The following PLCG2 variants were observed in gnomAD, a reference collection of about 807,000 sequenced individuals.
PLCG2 encodes phospholipase C gamma 2, also known as 1-phosphatidylinositol 4,5-bisphosphate phosphodiesterase gamma-2.
PLCG2 carries 69 observed loss-of-function variants against 175.6 expected under a neutral mutation model. The ratio of observed to expected loss-of-function variants is 0.39; its 90% CI spans 0.32 to 0.48. The LOEUF is 0.48. Ranked by LOEUF, PLCG2 falls within the 20% of genes least tolerant of loss-of-function variation. The pLI is 0.91. For synonymous variants in PLCG2, 827 were observed against 624.0 expected (o/e 1.33, Z -4.85); for missense variants, 1,798 against 1,650.9 (o/e 1.09, Z -1.54).
intron 14 of PLCG2, among the ~76,000 whole-genome samples, chr16:81,903,995 G>C (rs1909260392): frequency 1.3e-5 from 2 of 152,196 alleles, no homozygotes; most frequent in Non-Finnish European, 2.9e-5. Context: ...GTCTTGTCAA[G>C]ACACTGCAGG....
chr16:81,760,613 A>G (rs1181394841), intron 2 of PLCG2, among the ~76,000 whole-genome samples: 2 of 152,060 alleles, frequency 1.3e-5, no homozygotes, highest in Non-Finnish European at 2.9e-5. Context: ...AGAGCCCACT[A>G]CATAATACTT....
chr16:81,791,283 G>A (rs1389700391), intron 2 of PLCG2, among the ~76,000 whole-genome samples: 1 of 152,072 alleles, frequency 6.6e-6, no homozygotes, highest in Non-Finnish European at 1.5e-5. Context: ...GAATGGGGAG[G>A]GCTCATTGTG....
At position 81,940,044 on chromosome 16, in the gene PLCG2, A is replaced by G. The variant is rs1341320895; in HGVS notation, c.3466A>G (p.Lys1156Glu). 6.2e-7 allele frequency: 1 copy of G among 1,611,454 alleles called. No individual in the cohort carries two copies. The highest frequency in any genetic ancestry group is 2.2e-5 in the East Asian group (1 of 44,824). ...TCTTGCTCATGCCACTTACCCCATTAAAGCAGTCAAATCAGGTAAGAGGCA... is the reference window on the plus strand; with the variant it reads ...TCTTGCTCATGCCACTTACCCCATTGAAGCAGTCAAATCAGGTAAGAGGCA... Reference protein sequence around the residue: ...NFLAHATYPIKAVKSGFRSVP... With the variant: ...NFLAHATYPIEAVKSGFRSVP... The change falls in exon 30 of 33, where the codon AAA (lysine) becomes GAA (glutamate). Residue 1156 changes from lysine (K) to glutamate (E), a missense_variant. Physicochemically the swap from Lys to Glu is moderately conservative, Grantham distance 56. Transcript: ENST00000564138.
chr16:81,856,149 G>T (rs948060238), intron 3 of PLCG2, among the ~76,000 whole-genome samples: 1 of 152,148 alleles, frequency 6.6e-6, no homozygotes, highest in African/African-American at 2.4e-5. Context: ...TCACTTACTG[G>T]CTCTGAGACA....
intron 23 of PLCG2, 134 bp downstream of exon 23, chr16:81,927,312 A>T: frequency 3.1e-6 from 2 of 649,078 alleles, no homozygotes; most frequent in Non-Finnish European, 2.7e-6. Context: ...GGATCAGGGA[A>T]GACACAGTGA....
intron 2 of PLCG2, among the ~76,000 whole-genome samples, chr16:81,842,219 G>A (rs944514782): frequency 2.0e-5 from 3 of 152,164 alleles, no homozygotes; most frequent in Non-Finnish European, 2.9e-5. Context: ...CTTCTTCCCA[G>A]GTGAGCTCCA....
At chr16:81,928,970 G>A (rs570086572) in intron 24 of PLCG2, 5 of 247,544 alleles carry the variant, frequency 2.0e-5, no homozygotes, top group East Asian at 7.4e-5. Context: ...CTGAAATGCA[G>A]CGTGGAGTTG....
intron 29 of PLCG2, among the ~76,000 whole-genome samples, chr16:81,939,645 C>T (rs1320681373): frequency 2.0e-5 from 3 of 152,138 alleles, no homozygotes; most frequent in Non-Finnish European, 4.4e-5. Flanking sequence ...GATCCTGGGG[C>T]GGGGAGATGG....
Position 81,818,633 on chromosome 16 carries a change from C to T in PLCG2, c.193+32451C>T, listed in dbSNP as rs553690490. On this transcript the variant is annotated intron_variant, in intron 2 of 32. Coordinates refer to ENST00000564138, the MANE Select transcript of PLCG2 (RefSeq NM_002661.5). ...GGCCTGAACAATAGCCAGGACAGAGCCAACTAGCCGGGCATACCTTTTCTC... is the reference window on the plus strand; with the variant it reads ...GGCCTGAACAATAGCCAGGACAGAGTCAACTAGCCGGGCATACCTTTTCTC... Among the ~76,000 whole-genome samples the T allele has an allele frequency of 3.9e-5, 6 of 152,196 alleles. No homozygotes were observed. The East Asian group carries it at 1.2e-3, about 29-fold the overall frequency.
At chr16:81,802,611 C>T (rs755570558) in intron 2 of PLCG2, among the ~76,000 whole-genome samples, 17 of 151,300 alleles carry the variant, frequency 1.1e-4, no homozygotes, top group South Asian at 2.1e-4. Flanking sequence ...TCACTCTTGT[C>T]GCCGGGCTGG....
intron 2 of PLCG2, among the ~76,000 whole-genome samples, chr16:81,807,456 A>G (rs1904286360): frequency 6.6e-6 from 1 of 152,174 alleles, no homozygotes; most frequent in African/African-American, 2.4e-5. Flanking sequence ...ACAAGGCAGG[A>G]AGCCCATCAA....
At chr16:81,894,683 G>T (rs745652546) in intron 12 of PLCG2, among the ~76,000 whole-genome samples, 9 of 152,098 alleles carry the variant, frequency 5.9e-5, no homozygotes, top group Non-Finnish European at 1.3e-4. Flanking sequence ...GATCAGTCTG[G>T]CCAACATGGC....
chr16:81,874,015 G>A (rs985973851), intron 7 of PLCG2, among the ~76,000 whole-genome samples: 2 of 152,174 alleles, frequency 1.3e-5, no homozygotes, highest in African/African-American at 2.4e-5. Flanking sequence ...AGATTGCCCC[G>A]TGTGGAACTT....
chr16:81,757,420 C>T (rs527650077), intron 2 of PLCG2, among the ~76,000 whole-genome samples: 7 of 152,072 alleles, frequency 4.6e-5, no homozygotes, highest in East Asian at 3.9e-4. Context: ...AAACATTAGC[C>T]GGGCGCGGTG....
At chr16:81,904,210 T>C (rs1193005682) in intron 14 of PLCG2, among the ~76,000 whole-genome samples, 1 of 152,216 alleles carries the variant, frequency 6.6e-6, no homozygotes, top group Non-Finnish European at 1.5e-5. Flanking sequence ...TGTTGACACT[T>C]ATCTTTCACG....
At chr16:81,851,595 C>T (rs1597354591) in intron 2 of PLCG2, among the ~76,000 whole-genome samples, 1 of 152,144 alleles carries the variant, frequency 6.6e-6, no homozygotes, top group Non-Finnish European at 1.5e-5. Flanking sequence ...TCCCTGCAAC[C>T]TCCGCCTCCC....
At chr16:81,909,132 C>G (rs1262764253) in intron 17 of PLCG2, among the ~76,000 whole-genome samples, 1 of 152,258 alleles carries the variant, frequency 6.6e-6, no homozygotes, top group Non-Finnish European at 1.5e-5. Context: ...AGACACAGTA[C>G]TTATGCCAGA....
At chr16:81,877,506 GTTA>G (rs1471011099) in intron 7 of PLCG2, among the ~76,000 whole-genome samples, 8 of 152,230 alleles carry the variant, frequency 5.3e-5, no homozygotes, top group African/African-American at 1.7e-4. Context: ...TGTACTGGAG[GTTA>G]AAAGTCCAAA....
At chr16:81,869,960 G>A (rs1907435272) in intron 6 of PLCG2, among the ~76,000 whole-genome samples, 1 of 152,112 alleles carries the variant, frequency 6.6e-6, no homozygotes, top group African/African-American at 2.4e-5. Context: ...CCCAGTTGGA[G>A]GACTCCAATG....
Sources: allele counts gnomAD v4.1 joint callset (sites outside exome capture counted in the v4.1 genomes callset), GRCh38; gene constraint gnomAD v4.1.1; transcripts MANE v1.5; gene names NCBI Gene and HGNC (gene_info 2026-07-23, HGNC 2026-07-21).